Variants in NME8 observed in about 807,000 individuals in gnomAD.
The protein encoded by NME8 is NME/NM23 family member 8.
A neutral mutation model predicts 82.3 loss-of-function variants in NME8; 72 were observed. The observed-to-expected ratio is 0.87, with a 90% confidence interval of 0.72 to 1.06. NME8 has a LOEUF of 1.06. Ranked by LOEUF, NME8 falls within the 50% of genes least tolerant of loss-of-function variation. The pLI is 0.00. For synonymous variants in NME8, 267 were observed against 228.5 expected (o/e 1.17, Z -1.52); for missense variants, 712 against 685.4 (o/e 1.04, Z -0.43).
intron 14 of NME8, among the ~76,000 whole-genome samples, chr7:37,887,526 T>C (rs1301195434): frequency 1.3e-5 from 2 of 152,142 alleles, no homozygotes; most frequent in Admixed American, 6.5e-5. Context: ...ACAGGTTTTA[T>C]TGTTGTATTT....
chr7:37,884,789 A>G (rs1785015779), intron 13 of NME8, among the ~76,000 whole-genome samples: 1 of 152,240 alleles, frequency 6.6e-6, no homozygotes, highest in Non-Finnish European at 1.5e-5. Flanking sequence ...AACTAGTTCT[A>G]GGAAAGAATG....
At chr7:37,852,658 T>C (rs1340455454) in intron 5 of NME8, among the ~76,000 whole-genome samples, 1 of 152,228 alleles carries the variant, frequency 6.6e-6, no homozygotes, top group East Asian at 1.9e-4. Context: ...CTTTTAATGA[T>C]TTGATAGCTC....
intron 10 of NME8, 109 bp from the exon 11 acceptor site, chr7:37,867,593 C>A: frequency 1.3e-6 from 1 of 780,068 alleles, no homozygotes; most frequent in Non-Finnish European, 2.3e-6. Context: ...CATTCCTTTG[C>A]CCAGGGACCA....
At chr7:37,887,807 A>G (rs1343207660) in intron 14 of NME8, among the ~76,000 whole-genome samples, 1 of 152,138 alleles carries the variant, frequency 6.6e-6, no homozygotes, top group Non-Finnish European at 1.5e-5. Context: ...GTGGCAGGAG[A>G]GAGAATGAGT....
At chr7:37,889,142 A>G (rs1380558038) in intron 15 of NME8, among the ~76,000 whole-genome samples, 3 of 151,926 alleles carry the variant, frequency 2.0e-5, no homozygotes, top group Non-Finnish European at 4.4e-5. Context: ...AAAGTTTTCT[A>G]TCACCCTTTG....
chr7:37,862,259 T>TACAAGGCTCGATCTA, intron 7 of NME8, 115 bp downstream of exon 7: 1 of 738,306 alleles, frequency 1.4e-6, no homozygotes, highest in East Asian at 2.7e-5. Flanking sequence ...TTTATGTCTT[T>TACAAGGCTCGATCTA]TAATTTTAAA....
At chr7:37,883,451 T>G (rs1732731820) in intron 12 of NME8, among the ~76,000 whole-genome samples, 1 of 152,242 alleles carries the variant, frequency 6.6e-6, no homozygotes, top group Non-Finnish European at 1.5e-5. Flanking sequence ...ATACTTTGTT[T>G]TATTCTTTCC....
chr7:37,868,753 G>A lies in NME8; in HGVS notation c.818+855G>A, dbSNP rs193213911. Among the ~76,000 whole-genome samples the A allele has an allele frequency of 9.2e-5, 14 of 152,102 alleles. 1 individual carries two copies. The highest frequency in any genetic ancestry group is 7.9e-4 in the Admixed American group (12 of 15,268). On this transcript the variant is annotated intron_variant, in intron 11 of 17. Coordinates refer to ENST00000199447, the MANE Select transcript of NME8 (RefSeq NM_016616.5). ...CCCCACCTTCCCCTTCCACCTTCCC[G>A]GTGCCCTAAAAACATGAAACATGCA...
At chr7:37,876,515 A>G (rs1239257988) in intron 11 of NME8, among the ~76,000 whole-genome samples, 1 of 152,080 alleles carries the variant, frequency 6.6e-6, no homozygotes, top group Non-Finnish European at 1.5e-5. Flanking sequence ...ATTAAAAACT[A>G]TCTGGAAAGT....
intron 5 of NME8, among the ~76,000 whole-genome samples, chr7:37,853,102 T>C (rs1214975660): frequency 6.6e-6 from 1 of 152,198 alleles, no homozygotes; most frequent in Non-Finnish European, 1.5e-5. Flanking sequence ...TTATATATAC[T>C]TATTTGCCAT....
At chr7:37,880,345 G>T (rs1343662486) in intron 12 of NME8, among the ~76,000 whole-genome samples, 1 of 152,146 alleles carries the variant, frequency 6.6e-6, no homozygotes, top group Non-Finnish European at 1.5e-5. Flanking sequence ...TTACATATAG[G>T]TCTATCATCC....
intron 15 of NME8, among the ~76,000 whole-genome samples, chr7:37,891,167 T>A (rs143820103): frequency 7.2e-4 from 110 of 152,130 alleles, no homozygotes; most frequent in African/African-American, 2.6e-3. Context: ...TCCTTATATA[T>A]GCTGTATATT....
At chr7:37,850,937 G>A (rs113161807) in intron 5 of NME8, among the ~76,000 whole-genome samples, 9 of 151,784 alleles carry the variant, frequency 5.9e-5, no homozygotes, top group African/African-American at 1.9e-4. Context: ...TTATAACGTC[G>A]AGGCTATTTA....
intron 11 of NME8, among the ~76,000 whole-genome samples, chr7:37,874,961 T>C (rs1230400248): frequency 6.6e-6 from 1 of 152,144 alleles, no homozygotes; most frequent in Admixed American, 6.5e-5. Flanking sequence ...AAAACTGACA[T>C]CATACACCTC....
chr7:37,892,123 G>A (rs946844465), intron 15 of NME8, among the ~76,000 whole-genome samples: 1 of 151,576 alleles, frequency 6.6e-6, no homozygotes, highest in Non-Finnish European at 1.5e-5. Flanking sequence ...TTGTTTCATT[G>A]TAAGTAATAT....
chr7:37,893,672 C>T (rs1456715993), intron 15 of NME8, among the ~76,000 whole-genome samples: 1 of 152,168 alleles, frequency 6.6e-6, no homozygotes, highest in Non-Finnish European at 1.5e-5. Flanking sequence ...ATTGTTTTCT[C>T]ACCTGTGGTT....
intron 2 of NME8, 131 bp downstream of exon 2, chr7:37,849,187 C>G (rs1411554062): frequency 2.0e-5 from 3 of 152,226 alleles, no homozygotes; most frequent in Non-Finnish European, 2.9e-5. Flanking sequence ...CCCCTGATAC[C>G]ACTGAATAGG....
At chr7:37,864,504 T>G (rs1784647700) in intron 9 of NME8, 83 bp downstream of exon 9, 2 of 1,345,854 alleles carry the variant, frequency 1.5e-6, no homozygotes, top group African/African-American at 1.4e-5. Flanking sequence ...AGCGTACCAT[T>G]TAGAGTGAAA....
intron 7 of NME8, 54 bp from the exon 8 acceptor site, chr7:37,863,342 C>A (rs1784626595): frequency 7.5e-6 from 8 of 1,059,680 alleles, no homozygotes; most frequent in Non-Finnish European, 1.2e-5. Context: ...AACCCACTCA[C>A]TATCATATTA....
Sources: allele counts gnomAD v4.1 joint callset (sites outside exome capture counted in the v4.1 genomes callset), GRCh38; gene constraint gnomAD v4.1.1; transcripts MANE v1.5; gene names NCBI Gene and HGNC (gene_info 2026-07-23, HGNC 2026-07-21).